The following KIAA1217 variants were observed in gnomAD, a reference collection of about 807,000 sequenced individuals.
KIAA1217 encodes the protein sickle tail protein homolog.
Under a neutral mutation model 163.9 loss-of-function variants are expected in KIAA1217, and 88 were observed. The observed-to-expected ratio is 0.54, with a 90% CI of 0.45 to 0.64. The LOEUF (loss-of-function observed/expected upper bound fraction) is 0.64. Among genes scored for constraint, KIAA1217 ranks in the 30% least tolerant of loss-of-function variants. The probability of loss-of-function intolerance (pLI) is 0.00; values close to 1 mark genes in which losing one functional copy is unlikely to be tolerated. For missense variants in KIAA1217, 2,372 were observed against 2,475.0 expected, an observed-to-expected ratio of 0.96 and a Z score of 0.88; for synonymous variants, 903 against 923.1, an observed-to-expected ratio of 0.98 and a Z score of 0.39.
At chr10:24,309,336 GCGCACGCGCGCGCGCACA>G in intron 2 of KIAA1217, among the ~76,000 whole-genome samples, 1 of 90,646 alleles carries the variant, frequency 1.1e-5, no homozygotes, top group South Asian at 4.4e-4. Context: ...AAATAGGCGC[GCGCACGCGCGCGCGCACA>G]CACACACACA....
At chr10:24,335,485 G>C (rs1173094866) in intron 2 of KIAA1217, among the ~76,000 whole-genome samples, 2 of 151,566 alleles carry the variant, frequency 1.3e-5, no homozygotes, top group African/African-American at 4.8e-5. Context: ...ATTATGGGAT[G>C]AAAAAGATGA....
intron 1 of KIAA1217, among the ~76,000 whole-genome samples, chr10:23,999,797 C>T (rs780205782): frequency 6.6e-6 from 1 of 152,162 alleles, no homozygotes; most frequent in African/African-American, 2.4e-5. Flanking sequence ...AGTGATCCCT[C>T]CCAAGTGATT....
At chr10:24,276,685 C>G (rs930956834) in intron 2 of KIAA1217, among the ~76,000 whole-genome samples, 1 of 151,436 alleles carries the variant, frequency 6.6e-6, no homozygotes, top group African/African-American at 2.4e-5. Flanking sequence ...TCTCGGCTCA[C>G]AGCAACCTCT....
chr10:24,073,053 T>C (rs1386659780), intron 2 of KIAA1217, among the ~76,000 whole-genome samples: 4 of 148,086 alleles, frequency 2.7e-5, no homozygotes, highest in Non-Finnish European at 5.9e-5. Context: ...AATGAGACTC[T>C]GTCTTGAAAA....
chr10:24,540,329 G>A (rs1279667619), intron 17 of KIAA1217, among the ~76,000 whole-genome samples: 3 of 152,206 alleles, frequency 2.0e-5, no homozygotes, highest in Admixed American at 6.5e-5. Context: ...CGCCTCCTGA[G>A]TTCAAGCAAT....
intron 1 of KIAA1217, among the ~76,000 whole-genome samples, chr10:23,901,616 C>A (rs930995976): frequency 6.6e-6 from 1 of 151,870 alleles, no homozygotes; most frequent in Non-Finnish European, 1.5e-5. Context: ...CAGCTAAGAA[C>A]TGAAATATTT....
intron 2 of KIAA1217, among the ~76,000 whole-genome samples, chr10:24,323,788 CGTGTGT>C (rs60528535): frequency 0.058 from 8,353 of 144,182 alleles, 287 homozygotes; most frequent in African/African-American, 0.093. Flanking sequence ...GTTTTCTCTT[CGTGTGT>C]GTGTGTGTGT....
At chr10:24,157,949 T>G in intron 2 of KIAA1217, 1 of 720,708 alleles carries the variant, frequency 1.4e-6, no homozygotes, top group South Asian at 1.6e-5. Flanking sequence ...ATTTTGAATG[T>G]GGAATTTGCC....
At chr10:24,416,783 C>T (rs1317847460) in intron 3 of KIAA1217, among the ~76,000 whole-genome samples, 4 of 152,076 alleles carry the variant, frequency 2.6e-5, no homozygotes, top group African/African-American at 9.7e-5. Context: ...CAAGGAGGCT[C>T]AGGCACACGT....
chr10:23,770,215 A>G (rs1397482228), intron 1 of KIAA1217, among the ~76,000 whole-genome samples: 3 of 152,168 alleles, frequency 2.0e-5, no homozygotes, highest in Non-Finnish European at 4.4e-5. Context: ...ACACATGGCC[A>G]TCTTTTTCAC....
At chr10:24,514,754 C>T (rs1431046457) in intron 10 of KIAA1217, among the ~76,000 whole-genome samples, 2 of 152,046 alleles carry the variant, frequency 1.3e-5, no homozygotes, top group Non-Finnish European at 2.9e-5. Flanking sequence ...CTTTGGGAGG[C>T]CGAGGCAGCC....
Position 24,520,232 on chromosome 10 carries a change from G to A in KIAA1217, c.2287G>A (p.Glu763Lys). The change falls in exon 11 of 21, where the codon GAG (glutamate) becomes AAG (lysine). Residue 763 changes from glutamate to lysine, a missense_variant. This residue lies in a region of KIAA1217 where 1,431 missense variants were observed against 1,470.3 expected (regional missense o/e 0.97). Coordinates refer to ENST00000376454, the MANE Select transcript of KIAA1217 (RefSeq NM_019590.5). The part of the protein sequence containing the change: ...DGAFLLRQVG[E>K]AVATLKGEFP... ...GGCTTTCCTCCTGCGTCAAGTGGGA[G>A]AGGCTGTAGCTACCCTGAAAGGTAA... 6.2e-7 allele frequency: 1 copy of A among 1,614,152 alleles called. No individual in the cohort carries two copies. Among genetic ancestry groups the A allele is most frequent in the Non-Finnish European group, 8.5e-7 (1 of 1,180,012 alleles).
chr10:24,060,748 A>G (rs2060691934), intron 2 of KIAA1217, among the ~76,000 whole-genome samples: 1 of 152,174 alleles, frequency 6.6e-6, no homozygotes, highest in Non-Finnish European at 1.5e-5. Context: ...GTGAGCTATG[A>G]TGGCACTCCA....
chr10:24,348,338 A>AAAAATAAAATAAAAT (rs68058856), intron 2 of KIAA1217, among the ~76,000 whole-genome samples: 6 of 151,272 alleles, frequency 4.0e-5, no homozygotes, highest in South Asian at 2.1e-4. Context: ...ACCCTGTCAC[A>AAAAATAAAATAAAAT]AAAATAAAAT....
At chr10:24,542,010 G>A (rs2075171317) in intron 17 of KIAA1217, among the ~76,000 whole-genome samples, 2 of 152,172 alleles carry the variant, frequency 1.3e-5, no homozygotes, top group African/African-American at 4.8e-5. Context: ...GTGGCTATGA[G>A]GAGTGTGAAG....
chr10:23,887,979 A>G (rs78275680), intron 1 of KIAA1217, among the ~76,000 whole-genome samples: 2,590 of 152,010 alleles, frequency 0.017, 41 homozygotes, highest in Admixed American at 0.049. Flanking sequence ...ATAAATTTTG[A>G]TACATTACTT....
intron 1 of KIAA1217, among the ~76,000 whole-genome samples, chr10:23,898,547 G>A (rs1841808839): frequency 6.6e-6 from 1 of 151,886 alleles, no homozygotes; most frequent in African/African-American, 2.4e-5. Flanking sequence ...ATTATACTTT[G>A]TGTATTCTTC....
At chr10:23,774,600 C>G (rs1009905239) in intron 1 of KIAA1217, among the ~76,000 whole-genome samples, 1 of 152,068 alleles carries the variant, frequency 6.6e-6, no homozygotes, top group African/African-American at 2.4e-5. Flanking sequence ...TCTCCAGGCT[C>G]GAATTGGGCC....
intron 2 of KIAA1217, among the ~76,000 whole-genome samples, chr10:24,173,008 T>TG (rs952023158): frequency 6.6e-6 from 1 of 152,214 alleles, no homozygotes; most frequent in African/African-American, 2.4e-5. Context: ...GGACTGGTAC[T>TG]GGTTTGTGGC....
Sources: gnomAD v4.1 joint callset for allele counts (sites outside exome capture counted in the v4.1 genomes callset) on GRCh38, gnomAD v4.1.1 for gene constraint, gnomAD v4.1.1 regional missense constraint, MANE v1.5 for transcripts, NCBI Gene and HGNC (gene_info 2026-07-23, HGNC 2026-07-21) for gene names.